Variants in ACTN1 observed in about 807,000 individuals in gnomAD.
The protein encoded by ACTN1 is actinin alpha 1.
Under a neutral mutation model 119.6 loss-of-function variants are expected in ACTN1, and 30 were observed. That is an observed-to-expected ratio of 0.25 (90% CI 0.19 to 0.34). The LOEUF (loss-of-function observed/expected upper bound fraction) is 0.34, where lower values mean the gene tolerates loss of function less well. Among genes scored for constraint, ACTN1 ranks in the 10% least tolerant of loss-of-function variants. The pLI, the probability that ACTN1 is intolerant of heterozygous loss-of-function variation, is 1.00. For missense variants in ACTN1, 764 were observed against 1,223.4 expected (o/e 0.62, Z 5.60); for synonymous variants, 429 against 472.6 (o/e 0.91, Z 1.20).
chr14:68,971,603 G>A (rs1003414272), intron 1 of ACTN1, among the ~76,000 whole-genome samples: 4 of 152,212 alleles, frequency 2.6e-5, no homozygotes, highest in South Asian at 4.1e-4. Flanking sequence ...CATCTATGAA[G>A]TGTCATCATC....
chr14:68,875,356 G>A (rs1332085213), intron 21 of ACTN1, among the ~76,000 whole-genome samples: 2 of 152,244 alleles, frequency 1.3e-5, no homozygotes, highest in Non-Finnish European at 2.9e-5. Flanking sequence ...CAGATACTCT[G>A]GTGGAGCGTA....
chr14:68,915,759 A>T (rs7145573), intron 3 of ACTN1, among the ~76,000 whole-genome samples: 67,277 of 152,094 alleles, frequency 0.44, 16,503 homozygotes, highest in East Asian at 0.73. Context: ...CTCACACCTG[A>T]AATCCCAGCA....
chr14:68,963,990 T>C (rs2036622516), intron 1 of ACTN1, among the ~76,000 whole-genome samples: 1 of 152,184 alleles, frequency 6.6e-6, no homozygotes, highest in South Asian at 2.1e-4. Flanking sequence ...ATCAGAATCA[T>C]CTCCCCAAGA....
intron 13 of ACTN1, 59 bp downstream of exon 13, chr14:68,884,716 G>C (rs994368542): frequency 7.1e-7 from 1 of 1,401,828 alleles, no homozygotes; most frequent in South Asian, 1.2e-5. Context: ...TCAAGAAGCA[G>C]GAAGGGGCAC....
chr14:68,932,931 G>A (rs922888095), intron 1 of ACTN1, among the ~76,000 whole-genome samples: 9 of 152,062 alleles, frequency 5.9e-5, no homozygotes, highest in Non-Finnish European at 1.2e-4. Flanking sequence ...GCCACAGATC[G>A]TAATAACAGC....
intron 1 of ACTN1, among the ~76,000 whole-genome samples, chr14:68,939,116 C>T (rs2035671875): frequency 6.6e-6 from 1 of 152,222 alleles, no homozygotes; most frequent in South Asian, 2.1e-4. Context: ...TCCAAGGCCC[C>T]CCAGAAGGCA....
chr14:68,900,058 C>G (rs751574946), intron 8 of ACTN1, among the ~76,000 whole-genome samples: 11 of 152,056 alleles, frequency 7.2e-5, no homozygotes, highest in Non-Finnish European at 1.5e-4. Context: ...CTATGAGAAA[C>G]AGCCTCCAGA....
At chr14:68,876,689 C>T (rs117585062) in intron 21 of ACTN1, among the ~76,000 whole-genome samples, 16 of 152,200 alleles carry the variant, frequency 1.1e-4, no homozygotes, top group Non-Finnish European at 2.1e-4. Context: ...CTGGGTCCCA[C>T]AGTCCCTCTT....
At chr14:68,928,306 A>G (rs891038694) in intron 1 of ACTN1, among the ~76,000 whole-genome samples, 2 of 152,106 alleles carry the variant, frequency 1.3e-5, no homozygotes, top group African/African-American at 4.8e-5. Context: ...AAACACACCT[A>G]TGTTTGCTCA....
chr14:68,958,057 G>A (rs1309050928), intron 1 of ACTN1, among the ~76,000 whole-genome samples: 2 of 152,150 alleles, frequency 1.3e-5, no homozygotes, highest in African/African-American at 4.8e-5. Context: ...ATCAGCCCGG[G>A]GTCCCGACCT....
intron 8 of ACTN1, among the ~76,000 whole-genome samples, chr14:68,898,914 C>T (rs1369752058): frequency 1.3e-5 from 2 of 151,502 alleles, no homozygotes; most frequent in South Asian, 2.1e-4. Flanking sequence ...ACACACCCCA[C>T]ACACCCCTCA....
chr14:68,918,521 C>G (rs2034454813), intron 3 of ACTN1, among the ~76,000 whole-genome samples: 1 of 34 alleles, frequency 0.029, no homozygotes, highest in South Asian at 0.25. Flanking sequence ...GGGAGGCGGA[C>G]TTGCAGCGAG....
chr14:68,882,435 CTGCTTCCCAGCAT>C lies in ACTN1; in HGVS notation c.1953+10_1953+22del. 2.5e-6 allele frequency: 4 copies of C among 1,612,586 alleles called. No individual in the cohort carries two copies. The highest frequency in any genetic ancestry group is 3.4e-6 in the Non-Finnish European group (4 of 1,179,044). ...GGGGGGAGGGGTGGGAGCCCCAGCACTGCTTCCCAGCATGGGACCCACCTCCATCTTGGTCTGG... is the reference window on the plus strand; with the variant it reads ...GGGGGGAGGGGTGGGAGCCCCAGCACGGGACCCACCTCCATCTTGGTCTGG... On this transcript the variant is annotated intron_variant, in intron 16 of 21. Coordinates refer to ENST00000394419, the MANE Select transcript of ACTN1 (RefSeq NM_001130004.2). The surrounding 1 kb of genome is among the most constrained non-coding windows in gnomAD (Gnocchi z 4.5).
chr14:68,905,181 T>C (rs776613794), intron 6 of ACTN1, among the ~76,000 whole-genome samples: 15 of 152,156 alleles, frequency 9.9e-5, no homozygotes, highest in Non-Finnish European at 1.9e-4. Flanking sequence ...TCTAGACTAG[T>C]CAAGATTCGG....
intron 1 of ACTN1, among the ~76,000 whole-genome samples, chr14:68,949,774 A>G (rs947443931): frequency 5.3e-5 from 8 of 152,214 alleles, no homozygotes; most frequent in Non-Finnish European, 1.2e-4. Context: ...ATTCAGCCTT[A>G]AAAAGGGAGG....
intron 10 of ACTN1, 84 bp from the exon 11 acceptor site, chr14:68,890,370 C>T: frequency 6.7e-7 from 1 of 1,492,630 alleles, no homozygotes; most frequent in Non-Finnish European, 9.1e-7. Context: ...CTGAAGGTGC[C>T]CCATGCCTTC....
At chr14:68,917,447 G>A (rs574300173) in intron 3 of ACTN1, among the ~76,000 whole-genome samples, 30 of 152,242 alleles carry the variant, frequency 2.0e-4, no homozygotes, top group African/African-American at 7.0e-4. Context: ...GTCCCTGCTG[G>A]GCCTGGTCTC....
intron 10 of ACTN1, among the ~76,000 whole-genome samples, chr14:68,890,547 A>C (rs564515380): frequency 1.3e-5 from 2 of 152,278 alleles, no homozygotes; most frequent in African/African-American, 4.8e-5. Context: ...GACTTTGAGA[A>C]CAGAGCCCTG....
At chr14:68,960,652 T>C (rs371593244) in intron 1 of ACTN1, among the ~76,000 whole-genome samples, 2 of 151,834 alleles carry the variant, frequency 1.3e-5, no homozygotes, top group South Asian at 4.1e-4. Context: ...GGCTCCTACC[T>C]GTCAACCCAG....
Sources: allele counts gnomAD v4.1 joint callset (sites outside exome capture counted in the v4.1 genomes callset), GRCh38; gene constraint gnomAD v4.1.1; non-coding constraint Gnocchi (gnomAD v3.1); transcripts MANE v1.5; gene names NCBI Gene and HGNC (gene_info 2026-07-23, HGNC 2026-07-21).